The following INO80C variants were observed in gnomAD, a reference collection of about 807,000 sequenced individuals.
INO80C encodes IES6 homolog.
Under a neutral mutation model 17.7 loss-of-function variants are expected in INO80C, and 17 were observed. That is an observed-to-expected ratio of 0.96 (90% CI 0.66 to 1.44). The LOEUF (loss-of-function observed/expected upper bound fraction) is 1.44. INO80C is among the 40% of genes most tolerant of loss of function. The pLI, the probability that INO80C is intolerant of heterozygous loss-of-function variation, is 0.00. For missense variants in INO80C, 244 were observed against 245.0 expected, an observed-to-expected ratio of 1.00 and a Z score of 0.03; for synonymous variants, 96 against 95.8, an observed-to-expected ratio of 1.00 and a Z score of -0.01.
intron 1 of INO80C, among the ~76,000 whole-genome samples, chr18:35,492,443 C>A (rs978811858): frequency 2.0e-5 from 3 of 151,690 alleles, no homozygotes; most frequent in Non-Finnish European, 4.4e-5. Flanking sequence ...TACTATATAC[C>A]AAATATAATG....
chr18:35,468,679 G>C lies in INO80C; in HGVS notation c.511C>G (p.Arg171Gly). ...FSTIEEFSYI[R>G]RLPSDVVTGY... ...GTGACGACGTCAGAGGGCAGCCTCCGAATGTAGGAAAACTCTTCAATGGTG... is the reference window on the plus strand; with the variant it reads ...GTGACGACGTCAGAGGGCAGCCTCCCAATGTAGGAAAACTCTTCAATGGTG... Residue 171 changes from arginine (R) to glycine (G), a missense_variant, in exon 5 of 5, where the codon CGG (arginine) becomes GGG (glycine). Physicochemically the swap from Arg to Gly is moderately radical, Grantham distance 125. Coordinates refer to ENST00000334598, the MANE Select transcript of INO80C (RefSeq NM_194281.4). 1.9e-6 allele frequency: 3 copies of C among 1,614,114 alleles called. No individual in the cohort carries two copies. The highest frequency in any genetic ancestry group is 2.5e-6 in the Non-Finnish European group (3 of 1,180,010).
chr18:35,491,975 C>G (rs2045937503), intron 1 of INO80C, among the ~76,000 whole-genome samples: 1 of 152,192 alleles, frequency 6.6e-6, no homozygotes, highest in Admixed American at 6.5e-5. Flanking sequence ...CTGGAGTTCA[C>G]AAGGCCTGGG....
At position 35,478,342 on chromosome 18, in the gene INO80C, A is replaced by G. The variant is rs757783296; in HGVS notation, c.387T>C (p.Ser129=). 1.3e-6 allele frequency: 2 copies of G among 1,578,770 alleles called. No homozygotes were observed. The highest frequency in any genetic ancestry group is 1.8e-5 in the Admixed American group (1 of 54,574). Residue 129 remains serine (S), a synonymous_variant, in exon 4 of 5, where the codon AGT becomes AGC. Transcript: ENST00000334598. ...GCTTAAAGGATGGAGGAGCATCAAT[A>G]CTGAAGTCTGGGAAAAAAAAAAAAA... ...PWQLNDPNYF[S]IDAPPSFKPA...
intron 4 of INO80C, among the ~76,000 whole-genome samples, chr18:35,471,028 C>T (rs889184205): frequency 1.3e-5 from 2 of 152,236 alleles, no homozygotes; most frequent in South Asian, 2.1e-4. Flanking sequence ...GTAACGAGTG[C>T]TGAACACAGG....
rs140334366 is a variant in INO80C at position 35,483,377 on chromosome 18, A to T, written c.157-2814T>A. ...TTATTTTGCACTGACTATTTGTAAGAGTAACATCTAGTATATATTGTATAT... is the reference window on the plus strand; with the variant it reads ...TTATTTTGCACTGACTATTTGTAAGTGTAACATCTAGTATATATTGTATAT... On this transcript the variant is annotated intron_variant, in intron 1 of 4. Coordinates refer to ENST00000334598, the MANE Select transcript of INO80C (RefSeq NM_194281.4). 3.3e-5 allele frequency: 5 copies of T among 152,326 alleles called. No individual in the cohort carries two copies. In the East Asian group the frequency reaches 9.6e-4, roughly 29 times the overall value. 9.4% of individuals were successfully genotyped at this position (152,326 alleles called of 1,614,324 possible).
At chr18:35,480,586 T>A (rs1396368382) in intron 1 of INO80C, 23 bp from the exon 2 acceptor site, 2 of 1,558,332 alleles carry the variant, frequency 1.3e-6, no homozygotes, top group Admixed American at 3.3e-5. Context: ...TAAAAATAGT[T>A]TGAAGAAGTC....
chr18:35,487,397 G>A (rs1384321399), intron 1 of INO80C: 3 of 397,588 alleles, frequency 7.5e-6, no homozygotes, highest in South Asian at 1.8e-5. Context: ...TTTCCACGCG[G>A]CTGGGGAGGC....
At chr18:35,470,275 C>A (rs900831204) in intron 4 of INO80C, among the ~76,000 whole-genome samples, 2 of 151,844 alleles carry the variant, frequency 1.3e-5, no homozygotes, top group Non-Finnish European at 2.9e-5. Context: ...CCACTGGGAA[C>A]CCCCCCTAAG....
chr18:35,482,739 T>TC (rs2045826392), intron 1 of INO80C, among the ~76,000 whole-genome samples: 5 of 151,122 alleles, frequency 3.3e-5, no homozygotes, highest in African/African-American at 1.2e-4. Flanking sequence ...ATCTATCTCT[T>TC]CCTTCCTCCC....
At chr18:35,474,238 T>C (rs1301583440) in intron 4 of INO80C, among the ~76,000 whole-genome samples, 6 of 133,252 alleles carry the variant, frequency 4.5e-5, no homozygotes, top group African/African-American at 1.2e-4. Context: ...TATATATATA[T>C]ATATATACTT....
At chr18:35,473,061 A>G (rs1373461507) in intron 4 of INO80C, among the ~76,000 whole-genome samples, 1 of 152,148 alleles carries the variant, frequency 6.6e-6, no homozygotes. Context: ...CCTCCTCCTA[A>G]TGTGTGAAAA....
intron 1 of INO80C, 90 bp downstream of exon 1, chr18:35,497,629 C>T (rs1016179273): frequency 2.1e-5 from 31 of 1,499,714 alleles, no homozygotes; most frequent in Non-Finnish European, 2.8e-5. Flanking sequence ...CGCGCAGCGC[C>T]CCACATTACG....
At chr18:35,481,184 G>T (rs2045803515) in intron 1 of INO80C, among the ~76,000 whole-genome samples, 1 of 152,146 alleles carries the variant, frequency 6.6e-6, no homozygotes, top group East Asian at 1.9e-4. Flanking sequence ...AAAGCTGGAG[G>T]GCCACAGGTC....
At chr18:35,479,441 C>G in intron 2 of INO80C, 30 bp from the exon 3 acceptor site, 2 of 1,423,762 alleles carry the variant, frequency 1.4e-6, no homozygotes, top group Non-Finnish European at 2.0e-6. Context: ...TTAGAAGAAA[C>G]AAAAACCAAT....
intron 4 of INO80C, among the ~76,000 whole-genome samples, chr18:35,469,206 C>T (rs1198749490): frequency 6.6e-6 from 1 of 152,266 alleles, no homozygotes; most frequent in East Asian, 1.9e-4. Flanking sequence ...CCCTGCGCCA[C>T]TTCCATGCCT....
At chr18:35,487,408 C>A in intron 1 of INO80C, 1 of 394,886 alleles carries the variant, frequency 2.5e-6, no homozygotes, top group Non-Finnish European at 5.0e-6. Context: ...CTGGGGAGGC[C>A]TCACAATCAT....
Position 35,489,419 on chromosome 18 carries a change from A to G in INO80C, c.156+8300T>C, listed in dbSNP as rs539170357. ...GCAGCAGGCAAGAGAGAGAATGAGA[A>G]CCAAGTGAAAGGGGTTTCCCATTAC... is the stretch of plus-strand genomic sequence containing the variant. On this transcript the variant is annotated intron_variant, in intron 1 of 4. Transcript: ENST00000334598. 131 of 204,814 alleles carry G rather than the reference A, an allele frequency of 6.4e-4. 2 individuals carry two copies. The South Asian group carries it at 6.6e-3, about 10-fold the overall frequency. 12.7% of individuals were successfully genotyped at this position (204,814 alleles called of 1,614,324 possible).
intron 1 of INO80C, chr18:35,487,404 AG>A (rs1386122391): frequency 2.5e-6 from 1 of 397,546 alleles, no homozygotes; most frequent in Non-Finnish European, 5.0e-6. Context: ...GCGGCTGGGG[AG>A]GCCTCACAAT....
At position 35,495,198 on chromosome 18, in the gene INO80C, G is replaced by C. The variant is rs148687602; in HGVS notation, c.156+2521C>G. On this transcript the variant is annotated intron_variant, in intron 1 of 4. Transcript: ENST00000334598. ...AATCCCTAAACTTTGGGAGGCCAAT[G>C]TGGGCAGATTGCTTGACCCCAGGAG... Among the ~76,000 whole-genome samples the C allele has an allele frequency of 1.5e-3, 236 of 152,374 alleles. 1 individual carries two copies. Among genetic ancestry groups the C allele is most frequent in the African/African-American group, 5.4e-3 (225 of 41,586 alleles).
Sources: allele counts gnomAD v4.1 joint callset (sites outside exome capture counted in the v4.1 genomes callset), GRCh38; gene constraint gnomAD v4.1.1; transcripts MANE v1.5; gene names NCBI Gene and HGNC (gene_info 2026-07-23, HGNC 2026-07-21).